The following AKAP19 variants were observed in gnomAD, a reference collection of about 807,000 sequenced individuals.
AKAP19 encodes the protein A-kinase anchoring protein 19.
At chr2:189,897,002 C>T in the AKAP19 span, among the ~76,000 whole-genome samples, 1 of 152,028 alleles carries the variant, frequency 6.6e-6, no homozygotes, top group Non-Finnish European at 1.5e-5. Context: ...AGCTTCAGAA[C>T]TGAATTCCAG....
chr2:189,932,341 G>A, the AKAP19 span, among the ~76,000 whole-genome samples: 56 of 150,222 alleles, frequency 3.7e-4, no homozygotes, highest in African/African-American at 1.3e-3. Context: ...CTGGGAGGTG[G>A]AGGTTGCAGT....
chr2:190,153,555 G>C, the AKAP19 span, among the ~76,000 whole-genome samples: 1 of 151,984 alleles, frequency 6.6e-6, no homozygotes, highest in Non-Finnish European at 1.5e-5. Context: ...ATGTATAATA[G>C]TATAATGTTT....
chr2:189,974,661 G>T, the AKAP19 span, among the ~76,000 whole-genome samples: 1 of 152,064 alleles, frequency 6.6e-6, no homozygotes, highest in Non-Finnish European at 1.5e-5. Flanking sequence ...TATGAATCTG[G>T]GTGCTCCTGT....
chr2:189,966,989 C>T, the AKAP19 span, among the ~76,000 whole-genome samples: 1 of 152,140 alleles, frequency 6.6e-6, no homozygotes, highest in African/African-American at 2.4e-5. Context: ...CATTAAATTG[C>T]AATTTCCCTT....
chr2:190,121,730 TC>T, the AKAP19 span, among the ~76,000 whole-genome samples: 395 of 152,328 alleles, frequency 2.6e-3, no homozygotes, highest in Non-Finnish European at 4.4e-3. Context: ...GGTAGACTTT[TC>T]AAAGGAATCA....
chr2:189,956,783 A>G, the AKAP19 span, among the ~76,000 whole-genome samples: 5,214 of 151,904 alleles, frequency 0.034, 283 homozygotes, highest in African/African-American at 0.12. Context: ...GAGTCTCACT[A>G]TGTGGTCCAG....
chr2:189,988,676 A>G, the AKAP19 span, among the ~76,000 whole-genome samples: 52 of 152,316 alleles, frequency 3.4e-4, no homozygotes, highest in African/African-American at 1.2e-3. Flanking sequence ...AAAGGTCTGC[A>G]TGGATATTTG....
At chr2:190,101,848 TAATA>T in the AKAP19 span, among the ~76,000 whole-genome samples, 2 of 152,188 alleles carry the variant, frequency 1.3e-5, no homozygotes, top group African/African-American at 4.8e-5. Context: ...CTATCTAATC[TAATA>T]GATATTGACA....
chr2:190,142,013 G>C, the AKAP19 span, among the ~76,000 whole-genome samples: 1 of 152,174 alleles, frequency 6.6e-6, no homozygotes, highest in Non-Finnish European at 1.5e-5. Flanking sequence ...ATGCTACTTC[G>C]TGGGTCCCAT....
chr2:189,925,268 A>G, the AKAP19 span, among the ~76,000 whole-genome samples: 107,091 of 151,980 alleles, frequency 0.7, 42,526 homozygotes, highest in Non-Finnish European at 0.89. Flanking sequence ...CAGGAATGTA[A>G]TCCTCGGTGG....
the AKAP19 span, among the ~76,000 whole-genome samples, chr2:190,170,602 C>T: frequency 6.6e-6 from 1 of 152,280 alleles, no homozygotes; most frequent in East Asian, 1.9e-4. Flanking sequence ...CAACCAGGAC[C>T]CAAAGATGGA....
chr2:190,125,092 G>T, the AKAP19 span, among the ~76,000 whole-genome samples: 1 of 152,066 alleles, frequency 6.6e-6, no homozygotes, highest in African/African-American at 2.4e-5. Flanking sequence ...TCTGGAGGCT[G>T]TTTTACAATT....
chr2:189,885,808 A>T, the AKAP19 span, among the ~76,000 whole-genome samples: 1 of 151,850 alleles, frequency 6.6e-6, no homozygotes, highest in Non-Finnish European at 1.5e-5. Context: ...ATTAATTTTT[A>T]TTTTATTTTA....
At chr2:190,030,383 G>C in the AKAP19 span, among the ~76,000 whole-genome samples, 3 of 152,152 alleles carry the variant, frequency 2.0e-5, no homozygotes, top group African/African-American at 7.2e-5. Context: ...AGGCTCTTCT[G>C]TTTCTGTTAC....
At chr2:190,056,963 G>T in the AKAP19 span, 3 of 338,714 alleles carry the variant, frequency 8.9e-6, no homozygotes, top group Non-Finnish European at 1.6e-5. Flanking sequence ...AACTCAAGGA[G>T]AATCGCTTTC....
At chr2:190,085,565 G>A in the AKAP19 span, among the ~76,000 whole-genome samples, 1 of 152,214 alleles carries the variant, frequency 6.6e-6, no homozygotes. Context: ...TTTAGCTACT[G>A]ATTATAAGAT....
chr2:189,883,497 G>GTT, the AKAP19 span, among the ~76,000 whole-genome samples: 1 of 129,018 alleles, frequency 7.8e-6, no homozygotes, highest in Non-Finnish European at 1.6e-5. Context: ...CTGTTATTTT[G>GTT]TTTCTTCCTG....
chr2:190,195,941 CTTTTTTTTTT>C, the AKAP19 span, among the ~76,000 whole-genome samples: 1 of 86,210 alleles, frequency 1.2e-5, no homozygotes, highest in African/African-American at 4.1e-5. Flanking sequence ...CTGTGTCCAG[CTTTTTTTTTT>C]TTTTTTTTTT....
At chr2:189,995,435 C>G in the AKAP19 span, among the ~76,000 whole-genome samples, 3 of 152,144 alleles carry the variant, frequency 2.0e-5, no homozygotes, top group Non-Finnish European at 2.9e-5. Context: ...AATAGCTACT[C>G]CTGCTCACTT....
Sources: gnomAD v4.1 joint callset for allele counts (sites outside exome capture counted in the v4.1 genomes callset) on GRCh38, gnomAD v4.1.1 for gene constraint, MANE v1.5 for transcripts, NCBI Gene and HGNC (gene_info 2026-07-23, HGNC 2026-07-21) for gene names.